BTAF1: variants seen among roughly 807,000 people sequenced by gnomAD.
The protein encoded by BTAF1 is TATA-binding protein-associated factor 172.
A neutral mutation model predicts 227.1 loss-of-function variants in BTAF1; 38 were observed. The ratio of observed to expected loss-of-function variants is 0.17; its 90% CI spans 0.13 to 0.22. The LOEUF (loss-of-function observed/expected upper bound fraction) is 0.22, where lower values mean the gene tolerates loss of function less well. Ranked by LOEUF, BTAF1 falls within the 10% of genes least tolerant of loss-of-function variation. The pLI, the probability that BTAF1 is intolerant of heterozygous loss-of-function variation, is 1.00. For synonymous variants in BTAF1, 742 were observed against 751.9 expected, an observed-to-expected ratio of 0.99 and a Z score of 0.21; for missense variants, 1,598 against 2,204.0, an observed-to-expected ratio of 0.73 and a Z score of 5.51.
chr10:91,931,189 A>G (rs1310733673), intron 1 of BTAF1, among the ~76,000 whole-genome samples: 1 of 152,046 alleles, frequency 6.6e-6, no homozygotes, highest in African/African-American at 2.4e-5. Flanking sequence ...ACTACTATGT[A>G]CTCTTTCCTT....
At chr10:92,016,534 A>AGT in intron 33 of BTAF1, 69 bp downstream of exon 33, 7 of 1,363,854 alleles carry the variant, frequency 5.1e-6, no homozygotes, top group Non-Finnish European at 5.8e-6. Flanking sequence ...GCTAGAGTGC[A>AGT]GTGGCATGAT....
intron 34 of BTAF1, among the ~76,000 whole-genome samples, 198 bp downstream of exon 34, chr10:92,019,133 G>T (rs1850944368): frequency 6.6e-6 from 1 of 152,174 alleles, no homozygotes; most frequent in African/African-American, 2.4e-5. Context: ...TTTTAAGTGT[G>T]TAAATCTGAG....
intron 3 of BTAF1, among the ~76,000 whole-genome samples, chr10:91,941,062 C>G (rs1027359500): frequency 6.6e-6 from 1 of 152,130 alleles, no homozygotes; most frequent in African/African-American, 2.4e-5. Context: ...TTGCCTAATA[C>G]TGTTGCTTTA....
intron 11 of BTAF1, among the ~76,000 whole-genome samples, chr10:91,961,517 ACT>A (rs1418159071): frequency 6.7e-6 from 1 of 150,008 alleles, no homozygotes; most frequent in Non-Finnish European, 1.5e-5. Flanking sequence ...AGAGACCTGA[ACT>A]CTCTGTCCAA....
rs139289392 is a variant in BTAF1, at chr10:91,989,450, C to T, written c.2724C>T (p.Cys908=). 1 of 1,614,132 alleles carries T rather than the reference C, an allele frequency of 6.2e-7. No individual in the cohort carries two copies. Among genetic ancestry groups the T allele is most frequent in the Non-Finnish European group, 8.5e-7 (1 of 1,180,034 alleles). Residue 908 remains cysteine (C), a synonymous_variant, in exon 20 of 38, where the codon TGC becomes TGT. Coordinates refer to ENST00000265990, the MANE Select transcript of BTAF1 (RefSeq NM_003972.3). ...AQCIAKLLQQ[C]TTRTPCPNSK... ...GCATAGCTAAACTCCTTCAGCAGTG[C>T]ACAACAAGGACGCCCTGTCCCAATT...
At chr10:91,959,734 GTGTGTGTATATATATA>G (rs1213687241) in intron 9 of BTAF1, 35 bp from the exon 10 acceptor site, 1 of 430,360 alleles carries the variant, frequency 2.3e-6, no homozygotes, top group Non-Finnish European at 3.2e-6. Flanking sequence ...GTGTGTGTGT[GTGTGTGTATATATATA>G]TATATATATA....
chr10:91,942,900 GTA>G (rs1845109248), intron 4 of BTAF1, among the ~76,000 whole-genome samples: 1 of 152,138 alleles, frequency 6.6e-6, no homozygotes, highest in African/African-American at 2.4e-5. Context: ...ATCAGGATTA[GTA>G]TAGATCGTGG....
chr10:91,971,577 A>G (rs762886836), intron 14 of BTAF1, among the ~76,000 whole-genome samples: 2 of 148,626 alleles, frequency 1.3e-5, no homozygotes, highest in Non-Finnish European at 3.0e-5. Context: ...GGTTCAAACG[A>G]TTTCCTTCCT....
intron 14 of BTAF1, 30 bp from the exon 15 acceptor site, chr10:91,980,424 T>G (rs368817625): frequency 1.3e-6 from 2 of 1,501,148 alleles, no homozygotes; most frequent in African/African-American, 2.8e-5. Context: ...AATTATATGC[T>G]ACAGCTTTTA....
intron 19 of BTAF1, among the ~76,000 whole-genome samples, chr10:91,986,724 T>TAA (rs1848418212): frequency 6.6e-6 from 1 of 152,210 alleles, no homozygotes; most frequent in Non-Finnish European, 1.5e-5. Context: ...TTTCCTTTTT[T>TAA]AAGCTCATCA....
Position 91,992,316 on chromosome 10 carries a change from AG to A in BTAF1, c.3045+8del. 1 of 1,513,248 alleles carries A rather than the reference AG, an allele frequency of 6.6e-7. No homozygotes were observed. The highest frequency in any genetic ancestry group is 1.2e-5 in the South Asian group (1 of 81,086). The allele number at this position is 1,513,248 out of a possible 1,614,324, so 93.7% of individuals were successfully genotyped here. On this transcript the variant is annotated splice_region_variant and intron_variant, in intron 21 of 37. Coordinates refer to ENST00000265990, the MANE Select transcript of BTAF1 (RefSeq NM_003972.3). The stretch of plus-strand genomic sequence containing the variant: ...TCTTGTTGAACTTGATGAGGTAAGT[AG>A]TTTTTTTTTTTTTTTAATGCTTTGA...
At chr10:92,027,429 T>G in intron 37 of BTAF1, 129 bp downstream of exon 37, 2 of 811,920 alleles carry the variant, frequency 2.5e-6, no homozygotes, top group African/African-American at 1.7e-5. Context: ...GGAGGGAATT[T>G]TTGGTGCCTA....
intron 28 of BTAF1, 65 bp downstream of exon 28, chr10:92,009,273 A>G: frequency 6.6e-7 from 1 of 1,512,948 alleles, no homozygotes; most frequent in Non-Finnish European, 9.0e-7. Flanking sequence ...AGGAACAGTA[A>G]CATTTATTAA....
At chr10:92,002,429 T>C (rs1465606733) in intron 25 of BTAF1, among the ~76,000 whole-genome samples, 1 of 152,218 alleles carries the variant, frequency 6.6e-6, no homozygotes, top group Non-Finnish European at 1.5e-5. Context: ...CACGAGGGGT[T>C]GCTGGCACTG....
At chr10:92,016,552 C>A in intron 33 of BTAF1, 87 bp downstream of exon 33, 1 of 1,159,040 alleles carries the variant, frequency 8.6e-7, no homozygotes, top group Non-Finnish European at 1.2e-6. Flanking sequence ...GATCTCGGCT[C>A]ACTGCAACCT....
Position 91,989,427 on chromosome 10 carries a change from A to G in BTAF1, c.2701A>G (p.Ile901Val), listed in dbSNP as rs142592795. The change falls in exon 20 of 38, where the codon ATA (isoleucine) becomes GTA (valine). Residue 901 changes from isoleucine (I) to valine (V), a missense_variant. Transcript: ENST00000265990. ...AGTGCAAAACTATGCAGCTCAGTGCATAGCTAAACTCCTTCAGCAGTGCAC... is the reference window on the plus strand; with the variant it reads ...AGTGCAAAACTATGCAGCTCAGTGCGTAGCTAAACTCCTTCAGCAGTGCAC... ...TLVQNYAAQC[I>V]AKLLQQCTTR... 8.7e-6 allele frequency: 14 copies of G among 1,614,084 alleles called. No homozygotes were observed. In the Admixed American group the frequency reaches 1.0e-4, roughly 12 times the overall value.
chr10:91,984,129 C>A, intron 18 of BTAF1, 72 bp from the exon 19 acceptor site: 2 of 1,362,520 alleles, frequency 1.5e-6, no homozygotes, highest in Non-Finnish European at 1.0e-6. Flanking sequence ...TGGTAGTCTA[C>A]AAATGACGAT....
rs1214951577 is a variant in BTAF1 at position 91,993,737 on chromosome 10, C to G, written c.3089C>G (p.Ala1030Gly). The G allele has an allele frequency of 1.9e-6, 3 of 1,592,464 alleles. No individual in the cohort carries two copies. The highest frequency in any genetic ancestry group is 2.6e-6 in the Non-Finnish European group (3 of 1,167,040). The change falls in exon 22 of 38, where the codon GCT (alanine) becomes GGT (glycine). Residue 1030 changes from alanine (A) to glycine (G), a missense_variant. This residue lies in a region of BTAF1 where 425 missense variants were observed against 491.2 expected (regional missense o/e 0.87). Transcript: ENST00000265990. Reference sequence around the variant, plus strand: ...GTACAACGGAGAGGAGCTGAATTTGCTTTGACAACTATAGTAAAGCATTTT... The same window carrying G: ...GTACAACGGAGAGGAGCTGAATTTGGTTTGACAACTATAGTAAAGCATTTT... ...YLVQRRGAEF[A>G]LTTIVKHFGG... is the part of the protein sequence containing the mutation.
intron 37 of BTAF1, among the ~76,000 whole-genome samples, chr10:92,028,588 A>T (rs753365706): frequency 6.6e-5 from 10 of 152,144 alleles, no homozygotes; most frequent in Non-Finnish European, 1.2e-4. Flanking sequence ...ATGTTCTTAT[A>T]ATTCTTCCAT....
Sources: gnomAD v4.1 joint callset for allele counts (sites outside exome capture counted in the v4.1 genomes callset) on GRCh38, gnomAD v4.1.1 for gene constraint, gnomAD v4.1.1 regional missense constraint, MANE v1.5 for transcripts, NCBI Gene and HGNC (gene_info 2026-07-23, HGNC 2026-07-21) for gene names.